The following SOS2 variants were observed in gnomAD, a reference collection of about 807,000 sequenced individuals.
SOS2 encodes the protein SOS Ras/Rho guanine nucleotide exchange factor 2, also known as son of sevenless homolog 2.
SOS2 carries 65 observed loss-of-function variants against 148.2 expected under a neutral mutation model. The ratio of observed to expected loss-of-function variants is 0.44; its 90% CI spans 0.36 to 0.54. The LOEUF is 0.54. Among genes scored for constraint, SOS2 ranks in the 20% least tolerant of loss-of-function variants. The probability of loss-of-function intolerance (pLI) is 0.00; values close to 1 mark genes in which losing one functional copy is unlikely to be tolerated. For synonymous variants in SOS2, 539 were observed against 537.1 expected (o/e 1.00, Z -0.05); for missense variants, 1,341 against 1,590.2 (o/e 0.84, Z 2.67).
At chr14:50,231,022 A>C (rs570859110) in intron 1 of SOS2, 175 bp downstream of exon 1, 3 of 661,270 alleles carry the variant, frequency 4.5e-6, no homozygotes, top group South Asian at 7.8e-5. Flanking sequence ...CAAAAAAAAA[A>C]AACTTGAGAA....
chr14:50,132,863 A>G (rs901761387), intron 19 of SOS2, among the ~76,000 whole-genome samples: 2 of 152,050 alleles, frequency 1.3e-5, no homozygotes, highest in Non-Finnish European at 2.9e-5. Flanking sequence ...CACCACAACA[A>G]TGCTCCTGCT....
rs889620369 is a variant in SOS2, at chr14:50,200,833, A to C, written c.345+120T>G. 28 of 770,134 alleles carry C rather than the reference A, an allele frequency of 3.6e-5. No homozygotes were observed. The Admixed American group carries it at 5.9e-4, about 16-fold the overall frequency. 47.7% of individuals were successfully genotyped at this position (770,134 alleles called of 1,614,324 possible). On this transcript the variant is annotated intron_variant, in intron 3 of 22. Transcript: ENST00000216373. ...GCGATGTGTATGTACAAGCATACAT[A>C]TGGAAGTGCACATATACACACTAAC...
intron 1 of SOS2, 199 bp downstream of exon 1, chr14:50,230,998 C>T: frequency 1.3e-6 from 1 of 786,642 alleles, no homozygotes. Context: ...CAAAACCTTC[C>T]TTCCGGGACC....
intron 16 of SOS2, among the ~76,000 whole-genome samples, chr14:50,142,010 CTT>C (rs143071093): frequency 7.7e-5 from 11 of 142,926 alleles, no homozygotes; most frequent in Admixed American, 7.0e-5. Context: ...ATTAATATTT[CTT>C]TTTTTTTTTT....
intron 11 of SOS2, among the ~76,000 whole-genome samples, chr14:50,158,112 G>A (rs1884876012): frequency 6.6e-6 from 1 of 152,052 alleles, no homozygotes; most frequent in Admixed American, 6.5e-5. Flanking sequence ...AATTACTGAA[G>A]GTGGTTGATG....
chr14:50,209,362 A>AT (rs1886788047), intron 1 of SOS2, among the ~76,000 whole-genome samples: 1 of 148,752 alleles, frequency 6.7e-6, no homozygotes, highest in African/African-American at 2.5e-5. Context: ...CCATGCACCC[A>AT]TGGAGGACAA....
rs1243000778 is a variant in SOS2 at position 50,224,304 on chromosome 14, A to AAATATAT, written c.87+6892_87+6893insATATATT. ...AGACTCCGTCTCAGGAAAAAAAAAAAATATATATATACACACACACACACA... is the reference window on the plus strand; with the variant it reads ...AGACTCCGTCTCAGGAAAAAAAAAAAAATATATATATATATATACACACACACACACA... On this transcript the variant is annotated intron_variant, in intron 1 of 22. Transcript: ENST00000216373. 9.6e-5 allele frequency among the ~76,000 whole-genome samples: 6 copies of AAATATAT among 62,670 alleles called. 1 individual carries two copies. The highest frequency in any genetic ancestry group is 3.6e-4 in the African/African-American group (6 of 16,456). 41.1% of individuals were successfully genotyped at this position (62,670 alleles called of 152,430 possible).
At chr14:50,199,503 A>C (rs373018784) in intron 4 of SOS2, among the ~76,000 whole-genome samples, 188 bp downstream of exon 4, 80 of 152,326 alleles carry the variant, frequency 5.3e-4, no homozygotes, top group African/African-American at 1.8e-3. Flanking sequence ...CCAAAAAAAG[A>C]GATCCCCATC....
chr14:50,184,130 G>A (rs776687923), intron 5 of SOS2, among the ~76,000 whole-genome samples: 8 of 152,114 alleles, frequency 5.3e-5, no homozygotes, highest in Non-Finnish European at 1.2e-4. Context: ...TCATATATAT[G>A]GGTATTTATA....
intron 6 of SOS2, among the ~76,000 whole-genome samples, chr14:50,181,268 G>A (rs1437947857): frequency 6.6e-6 from 1 of 152,124 alleles, no homozygotes; most frequent in Non-Finnish European, 1.5e-5. Context: ...CCAACAGAGA[G>A]GAACACCGTC....
chr14:50,226,482 CA>C (rs984698983), intron 1 of SOS2, among the ~76,000 whole-genome samples: 1 of 152,164 alleles, frequency 6.6e-6, no homozygotes, highest in African/African-American at 2.4e-5. Flanking sequence ...TAGAACTTCA[CA>C]AAACCATTTT....
intron 1 of SOS2, among the ~76,000 whole-genome samples, chr14:50,226,505 C>T (rs1015255490): frequency 6.6e-6 from 1 of 152,152 alleles, no homozygotes; most frequent in African/African-American, 2.4e-5. Flanking sequence ...AAATCAAAGC[C>T]CCTACCGATC....
chr14:50,161,361 G>T, intron 9 of SOS2, 121 bp downstream of exon 9: 1 of 756,608 alleles, frequency 1.3e-6, no homozygotes, highest in Non-Finnish European at 2.2e-6. Context: ...GTATATAAAA[G>T]TATGACAAGC....
chr14:50,185,406 G>C (rs1223898274), intron 5 of SOS2, among the ~76,000 whole-genome samples: 1 of 152,090 alleles, frequency 6.6e-6, no homozygotes. Flanking sequence ...GAAGATTAGA[G>C]AGGGGTCAGG....
At chr14:50,140,499 C>CA (rs1884234735) in intron 16 of SOS2, among the ~76,000 whole-genome samples, 3 of 152,132 alleles carry the variant, frequency 2.0e-5, no homozygotes, top group Admixed American at 2.0e-4. Flanking sequence ...AGTAAACTAG[C>CA]ATTTCTTTTA....
At chr14:50,226,652 A>C (rs1887387262) in intron 1 of SOS2, among the ~76,000 whole-genome samples, 1 of 152,222 alleles carries the variant, frequency 6.6e-6, no homozygotes, top group Non-Finnish European at 1.5e-5. Flanking sequence ...TCAGGAACAA[A>C]GTAATTCAAC....
At chr14:50,225,595 C>T (rs1887344418) in intron 1 of SOS2, among the ~76,000 whole-genome samples, 1 of 152,202 alleles carries the variant, frequency 6.6e-6, no homozygotes, top group South Asian at 2.1e-4. Flanking sequence ...TCATCTAGTT[C>T]TGGCTGAACT....
rs115172638 is a variant in SOS2 at position 50,179,658 on chromosome 14, T to C, written c.969+914A>G. Among the ~76,000 whole-genome samples, 327 of 152,238 alleles carry C rather than the reference T, an allele frequency of 2.1e-3. 2 individuals carry two copies. The highest frequency in any genetic ancestry group is 7.2e-3 in the African/African-American group (300 of 41,552). On this transcript the variant is annotated intron_variant, in intron 7 of 22. Transcript: ENST00000216373. ...GGGATTATAGGCAAGAGCCACCACG[T>C]CTGGCTGGAAAAGTCAGTTTAGATG...
In SOS2 at chr14:50,197,610, T is replaced by C. The variant is rs1886352301; in HGVS notation, c.510+2081A>G. On this transcript the variant is annotated intron_variant, in intron 4 of 22. Transcript: ENST00000216373. Reference sequence around the variant, plus strand: ...AGGAGAGTTGATTCTAACATCTCTCTCCCCAACCACAGGATTACACTGCAG... The same window carrying C: ...AGGAGAGTTGATTCTAACATCTCTCCCCCCAACCACAGGATTACACTGCAG... 4.0e-5 allele frequency among the ~76,000 whole-genome samples: 6 copies of C among 151,240 alleles called. No homozygotes were observed. The South Asian group carries it at 8.4e-4, about 21-fold the overall frequency.
Sources: allele counts gnomAD v4.1 joint callset (sites outside exome capture counted in the v4.1 genomes callset), GRCh38; gene constraint gnomAD v4.1.1; transcripts MANE v1.5; gene names NCBI Gene and HGNC (gene_info 2026-07-23, HGNC 2026-07-21).